The following TRHDE variants were observed in gnomAD, a reference collection of about 807,000 sequenced individuals.
The protein encoded by TRHDE is thyrotropin releasing hormone degrading enzyme.
A neutral mutation model predicts 125.7 loss-of-function variants in TRHDE; 72 were observed. That is an observed-to-expected ratio of 0.57 (90% CI 0.47 to 0.70). The LOEUF is 0.70. TRHDE is among the 30% of genes least tolerant of loss of function. The pLI is 0.00. For missense variants in TRHDE, 1,110 were observed against 1,327.1 expected, an observed-to-expected ratio of 0.84 and a Z score of 2.54; for synonymous variants, 509 against 509.1, an observed-to-expected ratio of 1.00 and a Z score of 0.00.
At chr12:72,347,204 T>C (rs1870363865) in intron 2 of TRHDE, among the ~76,000 whole-genome samples, 1 of 152,166 alleles carries the variant, frequency 6.6e-6, no homozygotes, top group South Asian at 2.1e-4. Flanking sequence ...CTCATACCCA[T>C]AAGAGATGGA....
At chr12:72,618,831 G>T in intron 12 of TRHDE, 60 bp from the exon 13 acceptor site, 1 of 1,360,872 alleles carries the variant, frequency 7.3e-7, no homozygotes, top group South Asian at 1.9e-5. Context: ...TCTTTTATTT[G>T]CGTAAGTAAA....
intron 2 of TRHDE, among the ~76,000 whole-genome samples, chr12:72,234,530 G>A (rs1175951561): frequency 1.3e-5 from 2 of 152,094 alleles, no homozygotes; most frequent in African/African-American, 2.4e-5. Context: ...GAGAAATAGT[G>A]TTAGTAAATA....
intron 1 of TRHDE, among the ~76,000 whole-genome samples, chr12:72,094,692 G>C (rs1381459011): frequency 6.6e-6 from 1 of 152,246 alleles, no homozygotes; most frequent in Non-Finnish European, 1.5e-5. Flanking sequence ...GACTGCATCT[G>C]GGTTCCTGGC....
chr12:72,575,555 G>A lies in TRHDE; in HGVS notation c.2321+13G>A. 6.2e-7 allele frequency: 1 copy of A among 1,613,174 alleles called. No individual in the cohort carries two copies. The highest frequency in any genetic ancestry group is 1.1e-5 in the South Asian group (1 of 91,054). On this transcript the variant is annotated intron_variant, in intron 12 of 18. Coordinates refer to ENST00000261180, the MANE Select transcript of TRHDE (RefSeq NM_013381.3). ...TCAGCCTAGCCAGGTATGTTTTCCT[G>A]TGGATCTCCCCAATAAAAACTTGTG...
rs926981191 is a variant in TRHDE, at chr12:72,218,330, G to A, written n.279+112578G>A. 5.2e-4 allele frequency among the ~76,000 whole-genome samples: 79 copies of A among 152,200 alleles called. 1 individual carries two copies. The highest frequency in any genetic ancestry group is 1.7e-3 in the African/African-American group (71 of 41,554). On this transcript the variant is annotated intron_variant and non_coding_transcript_variant, in intron 2 of 4. Coordinates refer to the TRHDE transcript ENST00000548156. ...TTACCAGCTCTCAGCTAAAGGAAAT[G>A]CAAAGTTGGGAGAATTGTCACTTTG... is the stretch of plus-strand genomic sequence containing the variant.
chr12:72,496,548 C>T (rs1877928051), intron 5 of TRHDE, among the ~76,000 whole-genome samples: 1 of 152,118 alleles, frequency 6.6e-6, no homozygotes, highest in African/African-American at 2.4e-5. Context: ...AGTATCTCCA[C>T]CTGGCACCAC....
chr12:72,476,369 T>C (rs987195907), intron 5 of TRHDE, among the ~76,000 whole-genome samples: 2 of 152,158 alleles, frequency 1.3e-5, no homozygotes, highest in Admixed American at 1.3e-4. Context: ...TTGCAAACAA[T>C]TAAGAATAAG....
At chr12:72,157,994 G>A (rs1160226757) in intron 2 of TRHDE, among the ~76,000 whole-genome samples, 2 of 152,178 alleles carry the variant, frequency 1.3e-5, no homozygotes, top group Admixed American at 6.6e-5. Flanking sequence ...CTGAGTATTT[G>A]AGGGAAAAGG....
At chr12:72,216,935 T>C (rs1209279794) in intron 2 of TRHDE, among the ~76,000 whole-genome samples, 1 of 151,214 alleles carries the variant, frequency 6.6e-6, no homozygotes, top group Non-Finnish European at 1.5e-5. Flanking sequence ...TATTTTTGCA[T>C]TTTGTGTCTG....
intron 6 of TRHDE, among the ~76,000 whole-genome samples, chr12:72,530,558 T>C (rs925304175): frequency 6.6e-6 from 1 of 151,458 alleles, no homozygotes; most frequent in Admixed American, 6.6e-5. Flanking sequence ...TTTTTTCTTT[T>C]TTTGTCTTCT....
At chr12:72,241,229 C>T (rs1360580703) in intron 2 of TRHDE, among the ~76,000 whole-genome samples, 1 of 152,130 alleles carries the variant, frequency 6.6e-6, no homozygotes, top group Non-Finnish European at 1.5e-5. Context: ...AGACTGATGT[C>T]ACCACCACTA....
At chr12:72,240,929 C>A (rs1191869819) in intron 2 of TRHDE, among the ~76,000 whole-genome samples, 1 of 152,100 alleles carries the variant, frequency 6.6e-6, no homozygotes, top group Admixed American at 6.5e-5. Context: ...TTTCACACAT[C>A]TCGATTCAAT....
intron 2 of TRHDE, among the ~76,000 whole-genome samples, chr12:72,146,831 C>T (rs1035726926): frequency 6.6e-6 from 1 of 152,222 alleles, no homozygotes; most frequent in Admixed American, 6.5e-5. Flanking sequence ...CCCAGCATCC[C>T]GCAAGAATTG....
chr12:72,119,549 T>G (rs922050117), intron 2 of TRHDE, among the ~76,000 whole-genome samples: 4 of 152,222 alleles, frequency 2.6e-5, no homozygotes, highest in Non-Finnish European at 5.9e-5. Context: ...ATCTATCAGG[T>G]CCGTTTGTTT....
At chr12:72,130,322 C>T (rs1436363546) in intron 2 of TRHDE, among the ~76,000 whole-genome samples, 9 of 152,040 alleles carry the variant, frequency 5.9e-5, no homozygotes, top group African/African-American at 2.2e-4. Context: ...CCAGGTTACT[C>T]TATAAATTCA....
At chr12:72,297,973 TATTGATATA>T (rs1310201184) in intron 2 of TRHDE, among the ~76,000 whole-genome samples, 1 of 152,200 alleles carries the variant, frequency 6.6e-6, no homozygotes, top group African/African-American at 2.4e-5. Flanking sequence ...TCCATTGGGA[TATTGATATA>T]ATGGAGTAAG....
rs377030287 is a variant in TRHDE, at chr12:72,308,008, G to A, written c.1188+21054G>A. On this transcript the variant is annotated intron_variant, in intron 2 of 18. Coordinates refer to ENST00000261180, the MANE Select transcript of TRHDE (RefSeq NM_013381.3). The stretch of plus-strand genomic sequence containing the variant: ...TGTGTCTTTCATGTTATATGGTCTA[G>A]CATGCTTCAGATTCCACCAATAAAT... 5.9e-5 allele frequency among the ~76,000 whole-genome samples: 9 copies of A among 152,190 alleles called. No individual in the cohort carries two copies. In the East Asian group the frequency reaches 7.7e-4, roughly 13 times the overall value.
chr12:72,642,697 G>T (rs189433923), intron 15 of TRHDE, among the ~76,000 whole-genome samples: 1 of 152,084 alleles, frequency 6.6e-6, no homozygotes, highest in Non-Finnish European at 1.5e-5. Flanking sequence ...CTCAAGCAGT[G>T]TTTAAAGAGA....
chr12:72,340,191 A>C (rs1870018034), intron 2 of TRHDE, among the ~76,000 whole-genome samples: 2 of 152,130 alleles, frequency 1.3e-5, no homozygotes, highest in African/African-American at 4.8e-5. Flanking sequence ...ATGATAGAGA[A>C]GTCATGATTG....
Sources: allele counts gnomAD v4.1 joint callset (sites outside exome capture counted in the v4.1 genomes callset), GRCh38; gene constraint gnomAD v4.1.1; transcripts MANE v1.5; gene names NCBI Gene and HGNC (gene_info 2026-07-23, HGNC 2026-07-21).